The following DACH1 variants were observed in gnomAD, a reference collection of about 807,000 sequenced individuals.
DACH1 encodes the protein dachshund family transcription factor 1.
In DACH1, 12 loss-of-function variants were observed where a neutral mutation model predicts 54.2. The ratio of observed to expected loss-of-function variants is 0.22; its 90% CI spans 0.14 to 0.36. The LOEUF (loss-of-function observed/expected upper bound fraction) is 0.36. Among genes scored for constraint, DACH1 ranks in the 10% least tolerant of loss-of-function variants. The pLI, the probability that DACH1 is intolerant of heterozygous loss-of-function variation, is 1.00. For synonymous variants in DACH1, 386 were observed against 366.2 expected (o/e 1.05, Z -0.62); for missense variants, 805 against 929.8 (o/e 0.87, Z 1.75).
chr13:71,489,982 A>G (rs575041680), intron 6 of DACH1, among the ~76,000 whole-genome samples: 1 of 152,248 alleles, frequency 6.6e-6, no homozygotes, highest in East Asian at 1.9e-4. Flanking sequence ...CCTTTTATTC[A>G]GTTTTCTTTA....
intron 1 of DACH1, among the ~76,000 whole-genome samples, chr13:71,854,518 C>G (rs1162968036): frequency 6.6e-6 from 1 of 152,088 alleles, no homozygotes; most frequent in South Asian, 2.1e-4. Flanking sequence ...GAGTTTTTAA[C>G]GTGTCTTTAT....
intron 1 of DACH1, among the ~76,000 whole-genome samples, chr13:71,746,803 G>A (rs1004654667): frequency 2.0e-5 from 3 of 152,038 alleles, no homozygotes; most frequent in South Asian, 2.1e-4. Context: ...CTTCTCTAAT[G>A]TCTTCACTAA....
At chr13:71,513,968 C>T (rs545743051) in intron 6 of DACH1, among the ~76,000 whole-genome samples, 1 of 152,058 alleles carries the variant, frequency 6.6e-6, no homozygotes, top group South Asian at 2.1e-4. Flanking sequence ...TTATCTGCCT[C>T]AGACAGAAAA....
chr13:71,671,527 T>C (rs1243473690), intron 2 of DACH1, among the ~76,000 whole-genome samples: 1 of 151,994 alleles, frequency 6.6e-6, no homozygotes, highest in East Asian at 1.9e-4. Flanking sequence ...TAAAATAAAA[T>C]AGAATCCACA....
chr13:71,800,655 T>C (rs1887255897), intron 1 of DACH1, among the ~76,000 whole-genome samples: 1 of 152,096 alleles, frequency 6.6e-6, no homozygotes, highest in South Asian at 2.1e-4. Flanking sequence ...TTAACCAGTA[T>C]TTCAAATCCT....
chr13:71,861,319 A>G (rs577957650), intron 1 of DACH1, among the ~76,000 whole-genome samples: 1 of 152,144 alleles, frequency 6.6e-6, no homozygotes, highest in South Asian at 2.1e-4. Context: ...GCATTAACTA[A>G]ATGTGGAGTT....
chr13:71,485,759 T>C lies in DACH1; in HGVS notation c.1722+3238A>G, dbSNP rs1878450665. 4.6e-5 allele frequency among the ~76,000 whole-genome samples: 7 copies of C among 151,356 alleles called. No homozygotes were observed. In the South Asian group the frequency reaches 1.5e-3, roughly 32 times the overall value. On this transcript the variant is annotated intron_variant, in intron 7 of 10. Transcript: ENST00000613252. The stretch of plus-strand genomic sequence containing the variant: ...CACCACACCCAGCTAATTTTTACAT[T>C]TTTAGTAGAGACAGGGTTTGACTAT...
At chr13:71,722,101 C>T (rs1009675648) in intron 1 of DACH1, among the ~76,000 whole-genome samples, 6 of 152,036 alleles carry the variant, frequency 3.9e-5, no homozygotes, top group Non-Finnish European at 5.9e-5. Context: ...CCAGCATATG[C>T]CATTTGCTAT....
At chr13:71,470,233 C>A (rs1275088579) in intron 10 of DACH1, among the ~76,000 whole-genome samples, 1 of 151,574 alleles carries the variant, frequency 6.6e-6, no homozygotes, top group East Asian at 1.9e-4. Context: ...GTTAAAAATG[C>A]AAACGAAGAA....
At chr13:71,732,170 A>G (rs775319692) in intron 1 of DACH1, among the ~76,000 whole-genome samples, 1 of 151,946 alleles carries the variant, frequency 6.6e-6, no homozygotes, top group Non-Finnish European at 1.5e-5. Flanking sequence ...TTTTCCTTGA[A>G]TTTTTCATGA....
chr13:71,703,983 T>C (rs978684411), intron 1 of DACH1, among the ~76,000 whole-genome samples: 2 of 151,998 alleles, frequency 1.3e-5, no homozygotes, highest in African/African-American at 4.8e-5. Flanking sequence ...TGTGAAAAAA[T>C]TTTACTGAGT....
chr13:71,649,509 A>G (rs1309656620), intron 2 of DACH1, among the ~76,000 whole-genome samples: 3 of 152,146 alleles, frequency 2.0e-5, no homozygotes, highest in Non-Finnish European at 4.4e-5. Flanking sequence ...GAGTACACAT[A>G]ATGAACTTCA....
intron 3 of DACH1, among the ~76,000 whole-genome samples, chr13:71,626,542 T>C (rs897479366): frequency 5.3e-5 from 8 of 152,010 alleles, no homozygotes; most frequent in African/African-American, 1.9e-4. Context: ...TTATCTGGCC[T>C]GTATGTTGTG....
chr13:71,498,006 C>T (rs1263437973), intron 6 of DACH1, among the ~76,000 whole-genome samples: 1 of 151,676 alleles, frequency 6.6e-6, no homozygotes, highest in Non-Finnish European at 1.5e-5. Context: ...ATACTTCAAG[C>T]AGCATTAGAA....
At chr13:71,481,005 T>C (rs1004905579) in intron 7 of DACH1, among the ~76,000 whole-genome samples, 1 of 152,074 alleles carries the variant, frequency 6.6e-6, no homozygotes, top group Non-Finnish European at 1.5e-5. Context: ...CCATCTTAAC[T>C]CAATTCAACA....
At chr13:71,615,130 T>C (rs1199971573) in intron 3 of DACH1, among the ~76,000 whole-genome samples, 1 of 152,082 alleles carries the variant, frequency 6.6e-6, no homozygotes, top group Non-Finnish European at 1.5e-5. Flanking sequence ...AAACTTAAAC[T>C]ATAAAAGCTT....
chr13:71,625,813 TC>T (rs1205709250), intron 3 of DACH1, among the ~76,000 whole-genome samples: 5 of 152,010 alleles, frequency 3.3e-5, no homozygotes, highest in Non-Finnish European at 7.4e-5. Flanking sequence ...TACAAGTACT[TC>T]CCTTCCTTAA....
intron 1 of DACH1, among the ~76,000 whole-genome samples, chr13:71,759,957 T>C (rs1885332653): frequency 6.6e-6 from 1 of 152,192 alleles, no homozygotes; most frequent in Admixed American, 6.5e-5. Context: ...AAGCGACTTG[T>C]TATCAAGCAG....
intron 6 of DACH1, among the ~76,000 whole-genome samples, chr13:71,518,679 AT>A (rs1881341899): frequency 6.6e-6 from 1 of 151,840 alleles, no homozygotes; most frequent in Middle Eastern, 3.4e-3. Flanking sequence ...TCAGTTTTCA[AT>A]TTTTTTGAAC....
Sources: allele counts gnomAD v4.1 joint callset (sites outside exome capture counted in the v4.1 genomes callset), GRCh38; gene constraint gnomAD v4.1.1; transcripts MANE v1.5; gene names NCBI Gene and HGNC (gene_info 2026-07-23, HGNC 2026-07-21).